Variants in VEGFD observed in about 807,000 individuals in gnomAD.
VEGFD encodes c-fos induced growth factor (vascular endothelial growth factor D).
In VEGFD, 26 loss-of-function variants were observed where a neutral mutation model predicts 28.0. That is an observed-to-expected ratio of 0.93 (90% confidence interval 0.68 to 1.29). The LOEUF is 1.29. Ranked by LOEUF, VEGFD falls within the 50% of genes most tolerant of loss-of-function variation. The pLI is 0.00. For synonymous variants in VEGFD, 93 were observed against 95.5 expected (o/e 0.97, Z 0.15); for missense variants, 294 against 273.4 (o/e 1.08, Z -0.53).
chrX:15,382,189 A>G (rs1923595999), intron 1 of VEGFD, among the ~76,000 whole-genome samples: 1 of 110,687 alleles, frequency 9.0e-6, no homozygotes, highest in Non-Finnish European at 1.9e-5. Context: ...GCATGGTGGC[A>G]CGTGCCTATA....
chrX:15,364,074 A>T (rs1427405432), intron 1 of VEGFD, among the ~76,000 whole-genome samples: 1 of 111,980 alleles, frequency 8.9e-6, no homozygotes, highest in Non-Finnish European at 1.9e-5. Flanking sequence ...AGTTGTTTTC[A>T]TCTCTGTTAT....
intron 1 of VEGFD, among the ~76,000 whole-genome samples, chrX:15,368,699 T>C (rs1813063606): frequency 8.9e-6 from 1 of 112,456 alleles, no homozygotes. Context: ...TTTTAATTAC[T>C]AAACCTTTGC....
At chrX:15,363,023 G>A (rs1923054126) in intron 2 of VEGFD, 86 bp downstream of exon 2, 3 of 865,993 alleles carry the variant, frequency 3.5e-6, no homozygotes, top group Non-Finnish European at 5.0e-6. Context: ...ACACGTGTCT[G>A]CCCTACGCAG....
At chrX:15,373,538 A>G (rs1194056847) in intron 1 of VEGFD, among the ~76,000 whole-genome samples, 8 of 111,946 alleles carry the variant, frequency 7.1e-5, no homozygotes, top group Non-Finnish European at 1.5e-4. Flanking sequence ...CGGTGTGATG[A>G]ATAGAATTTG....
intron 5 of VEGFD, among the ~76,000 whole-genome samples, chrX:15,351,117 T>G (rs1483795729): frequency 1.2e-5 from 1 of 85,802 alleles, no homozygotes; most frequent in Non-Finnish European, 2.3e-5. Flanking sequence ...TTTTCTTTTT[T>G]TTTTTTTTCT....
At chrX:15,352,158 T>C (rs1362909707) in intron 5 of VEGFD, among the ~76,000 whole-genome samples, 1 of 112,097 alleles carries the variant, frequency 8.9e-6, no homozygotes, top group African/African-American at 3.2e-5. Context: ...GTGAAAACAT[T>C]TAGAAGGAAG....
rs180984572 is a variant in VEGFD at position 15,359,706 on chromosome X, C to A, written c.302-1513G>T. Among the ~76,000 whole-genome samples the A allele has an allele frequency of 3.9e-3, 438 of 111,560 alleles. 3 individuals are homozygous for A. Among genetic ancestry groups the A allele is most frequent in the African/African-American group, 0.014 (415 of 30,676 alleles). On this transcript the variant is annotated intron_variant, in intron 2 of 6. Transcript: ENST00000297904. Reference sequence around the variant, plus strand: ...TTAGAAAGGTCCACACGACAAGGAACTTGAGGCAGCCTCTGGCCAATAGCC... The same window carrying A: ...TTAGAAAGGTCCACACGACAAGGAAATTGAGGCAGCCTCTGGCCAATAGCC...
chrX:15,356,376 G>A (rs1018468619), intron 3 of VEGFD, among the ~76,000 whole-genome samples: 7 of 112,110 alleles, frequency 6.2e-5, no homozygotes, highest in Non-Finnish European at 1.3e-4. Flanking sequence ...TTTGGGGCGA[G>A]AGATAGTTTT....
chrX:15,353,220 A>T, intron 4 of VEGFD, 52 bp from the exon 5 acceptor site: 1 of 674,940 alleles, frequency 1.5e-6, no homozygotes. Context: ...GGATAATCAA[A>T]ACTTTGGAAC....
At chrX:15,374,938 T>C (rs1415796028) in intron 1 of VEGFD, among the ~76,000 whole-genome samples, 2 of 110,908 alleles carry the variant, frequency 1.8e-5, no homozygotes, top group Non-Finnish European at 3.8e-5. Context: ...AAGGGTCAGG[T>C]ATATGGTAGG....
chrX:15,349,057 G>C (rs924173554), intron 5 of VEGFD, among the ~76,000 whole-genome samples: 2 of 112,643 alleles, frequency 1.8e-5, no homozygotes, highest in Non-Finnish European at 3.7e-5. Context: ...TTGAGAATGG[G>C]TGCTGGAAGG....
intron 1 of VEGFD, among the ~76,000 whole-genome samples, chrX:15,375,001 G>A (rs1923402271): frequency 9.0e-6 from 1 of 110,600 alleles, no homozygotes; most frequent in Admixed American, 9.6e-5. Flanking sequence ...TTTCTTTCCT[G>A]CCTCTTTCCT....
rs1409367621 is a variant in VEGFD at position 15,348,282 on chromosome X, C to T, written c.743-923G>A. On this transcript the variant is annotated intron_variant, in intron 5 of 6. Coordinates refer to ENST00000297904, the MANE Select transcript of VEGFD (RefSeq NM_004469.5). ...TTTATTTTCCATCCCCACTACCACT[C>T]CCACAATTCAGTCTGTACCTTGTGT... Among the ~76,000 whole-genome samples the T allele has an allele frequency of 3.6e-5, 4 of 112,048 alleles. No individual in the cohort carries two copies. The East Asian group carries it at 1.1e-3, about 31-fold the overall frequency.
intron 1 of VEGFD, among the ~76,000 whole-genome samples, chrX:15,380,581 C>G (rs1245065389): frequency 8.9e-6 from 1 of 112,864 alleles, no homozygotes; most frequent in Non-Finnish European, 1.9e-5. Context: ...CTACTATGGC[C>G]TGGTATTCCT....
At chrX:15,355,440 C>A in intron 3 of VEGFD, 142 bp from the exon 4 acceptor site, 1 of 412,508 alleles carries the variant, frequency 2.4e-6, no homozygotes, top group Non-Finnish European at 3.8e-6. Flanking sequence ...ACTAAACAGG[C>A]TCATCTAACT....
chrX:15,363,407 T>A, intron 1 of VEGFD, 88 bp from the exon 2 acceptor site: 3 of 712,361 alleles, frequency 4.2e-6, no homozygotes, highest in Non-Finnish European at 6.2e-6. Flanking sequence ...CTTAGAAGTG[T>A]AAATACATCT....
intron 1 of VEGFD, among the ~76,000 whole-genome samples, chrX:15,364,105 C>T (rs776212957): frequency 4.7e-4 from 53 of 111,861 alleles, no homozygotes; most frequent in Non-Finnish European, 8.7e-4. Context: ...AATTGATCCA[C>T]AAAGGCCTGG....
intron 3 of VEGFD, among the ~76,000 whole-genome samples, chrX:15,356,570 G>A (rs12012185): frequency 0.018 from 2,006 of 111,851 alleles, 40 homozygotes; most frequent in African/African-American, 0.062. Context: ...ATCTCAATAT[G>A]TAATGGAACT....
rs6632494 is a variant in VEGFD at position 15,372,772 on chromosome X, T to C, written c.91-9453A>G. ...CACTAGTCTTCAAACAGTCGATGCATGCTCAGAAATAGTCTTAGTCTTTAA... is the reference window on the plus strand; with the variant it reads ...CACTAGTCTTCAAACAGTCGATGCACGCTCAGAAATAGTCTTAGTCTTTAA... On this transcript the variant is annotated intron_variant, in intron 1 of 6. Coordinates refer to ENST00000297904, the MANE Select transcript of VEGFD (RefSeq NM_004469.5). 9.8e-5 allele frequency among the ~76,000 whole-genome samples: 11 copies of C among 112,252 alleles called. No homozygotes were observed. The East Asian group carries it at 2.5e-3, about 26-fold the overall frequency.
Sources: allele counts gnomAD v4.1 joint callset (sites outside exome capture counted in the v4.1 genomes callset), GRCh38; gene constraint gnomAD v4.1.1; transcripts MANE v1.5; gene names NCBI Gene and HGNC (gene_info 2026-07-23, HGNC 2026-07-21).